Variants in SLC4A4 observed in about 807,000 individuals in gnomAD.
SLC4A4 encodes solute carrier family 4 member 4.
A neutral mutation model predicts 111.5 loss-of-function variants in SLC4A4; 27 were observed. The observed-to-expected ratio is 0.24, with a 90% CI of 0.18 to 0.33. The LOEUF (loss-of-function observed/expected upper bound fraction) is 0.33, where lower values mean the gene tolerates loss of function less well. SLC4A4 is among the 10% of genes least tolerant of loss of function. The pLI is 1.00. For synonymous variants in SLC4A4, 443 were observed against 463.4 expected (o/e 0.96, Z 0.57); for missense variants, 909 against 1,315.5 (o/e 0.69, Z 4.78).
chr4:71,393,340 C>T (rs1156873353), intron 6 of SLC4A4, among the ~76,000 whole-genome samples: 2 of 152,116 alleles, frequency 1.3e-5, no homozygotes, highest in African/African-American at 4.8e-5. Context: ...GATTAATGTA[C>T]ACAAATCAGT....
intron 2 of SLC4A4, among the ~76,000 whole-genome samples, chr4:71,123,885 A>G (rs556174772): frequency 1.5e-4 from 23 of 152,222 alleles, no homozygotes; most frequent in Non-Finnish European, 1.9e-4. Flanking sequence ...AAAAGCATCA[A>G]TTGGGACAGA....
chr4:71,268,324 CT>C (rs976523856), intron 3 of SLC4A4, among the ~76,000 whole-genome samples: 1 of 152,094 alleles, frequency 6.6e-6, no homozygotes, highest in Non-Finnish European at 1.5e-5. Context: ...ATACCCAGGC[CT>C]TTTCTTTCTG....
At chr4:71,460,872 AT>A (rs1286956327) in intron 12 of SLC4A4, among the ~76,000 whole-genome samples, 1 of 151,928 alleles carries the variant, frequency 6.6e-6, no homozygotes, top group Non-Finnish European at 1.5e-5. Flanking sequence ...AAGAATCAGT[AT>A]TTTTTTTATT....
chr4:71,366,281 G>A lies in SLC4A4; in HGVS notation c.730+9094G>A, dbSNP rs191257670. On this transcript the variant is annotated intron_variant, in intron 6 of 25. Transcript: ENST00000264485. ...ATAAAATTTATTTTCTTCTTAATAG[G>A]ATTGTTTTAAAAAAAGCATTTTTTC... Among the ~76,000 whole-genome samples, 3 of 148,880 alleles carry A rather than the reference G, an allele frequency of 2.0e-5. No homozygotes were observed. In the East Asian group the frequency reaches 6.0e-4, roughly 30 times the overall value.
intron 16 of SLC4A4, among the ~76,000 whole-genome samples, chr4:71,501,284 G>A (rs1730900988): frequency 6.6e-6 from 1 of 151,668 alleles, no homozygotes; most frequent in South Asian, 2.1e-4. Flanking sequence ...CTACTGAATT[G>A]TATGTTGATT....
chr4:71,273,974 A>C (rs890242767), intron 3 of SLC4A4, among the ~76,000 whole-genome samples: 3 of 152,236 alleles, frequency 2.0e-5, no homozygotes, highest in African/African-American at 4.8e-5. Flanking sequence ...AAGTAAATAC[A>C]GTTGAAACTT....
At chr4:71,286,894 T>C (rs1412409001) in intron 3 of SLC4A4, among the ~76,000 whole-genome samples, 2 of 152,190 alleles carry the variant, frequency 1.3e-5, no homozygotes, top group African/African-American at 4.8e-5. Flanking sequence ...GAGGTAAATG[T>C]TATTATTATT....
At chr4:71,547,627 A>G (rs766453576) in intron 19 of SLC4A4, 21 bp from the exon 20 acceptor site, 9 of 1,596,508 alleles carry the variant, frequency 5.6e-6, no homozygotes, top group Non-Finnish European at 7.7e-6. Context: ...GTAGATTGGT[A>G]ATCTTTTGAT....
intron 18 of SLC4A4, among the ~76,000 whole-genome samples, chr4:71,538,160 A>G (rs552337648): frequency 9.0e-4 from 137 of 152,278 alleles, no homozygotes; most frequent in Non-Finnish European, 1.4e-3. Flanking sequence ...ACGGTTGGCT[A>G]GATTTATCCT....
chr4:71,520,355 A>T (rs1732817037), intron 16 of SLC4A4, among the ~76,000 whole-genome samples: 2 of 152,298 alleles, frequency 1.3e-5, no homozygotes, highest in South Asian at 2.1e-4. Flanking sequence ...CTTCTCTTTT[A>T]TTAGTCAGAT....
chr4:71,496,576 G>T (rs911995354), intron 15 of SLC4A4, among the ~76,000 whole-genome samples: 1 of 151,968 alleles, frequency 6.6e-6, no homozygotes, highest in African/African-American at 2.4e-5. Context: ...CTCTTAAATG[G>T]CTAATGGCAG....
At chr4:71,245,606 C>T (rs1276913620) in intron 2 of SLC4A4, among the ~76,000 whole-genome samples, 4 of 151,928 alleles carry the variant, frequency 2.6e-5, no homozygotes, top group African/African-American at 9.7e-5. Context: ...GGAGTTTAGC[C>T]TTTTGTATAT....
intron 2 of SLC4A4, among the ~76,000 whole-genome samples, chr4:71,130,575 A>G (rs928915105): frequency 1.3e-5 from 2 of 152,154 alleles, no homozygotes; most frequent in African/African-American, 2.4e-5. Context: ...TATTTTCAAT[A>G]TGCTCTTAGC....
chr4:71,511,957 T>C (rs1731972036), intron 16 of SLC4A4, among the ~76,000 whole-genome samples: 1 of 152,192 alleles, frequency 6.6e-6, no homozygotes, highest in South Asian at 2.1e-4. Context: ...TAATTCTTTT[T>C]ATGGCTACAT....
chr4:71,533,462 T>C (rs1734124460), intron 17 of SLC4A4, among the ~76,000 whole-genome samples: 1 of 152,088 alleles, frequency 6.6e-6, no homozygotes, highest in Non-Finnish European at 1.5e-5. Flanking sequence ...TTCACAGTGT[T>C]CTATTTTAGT....
intron 3 of SLC4A4, among the ~76,000 whole-genome samples, chr4:71,325,334 G>A (rs149404047): frequency 2.6e-5 from 4 of 152,040 alleles, no homozygotes; most frequent in South Asian, 2.1e-4. Flanking sequence ...TGGAATAATA[G>A]GAGGGTATAT....
At chr4:71,228,190 T>A (rs1386437288) in intron 1 of SLC4A4, among the ~76,000 whole-genome samples, 4 of 152,236 alleles carry the variant, frequency 2.6e-5, no homozygotes, top group Non-Finnish European at 5.9e-5. Context: ...CTCCTATCAA[T>A]TATTTTCTTG....
intron 7 of SLC4A4, among the ~76,000 whole-genome samples, chr4:71,401,418 A>C (rs2148985448): frequency 6.6e-6 from 1 of 152,160 alleles, no homozygotes; most frequent in East Asian, 1.9e-4. Flanking sequence ...GCAGAAAAAC[A>C]CCTGTGGAGA....
chr4:71,196,989 C>G (rs201834563), intron 1 of SLC4A4, among the ~76,000 whole-genome samples: 1 of 151,174 alleles, frequency 6.6e-6, no homozygotes, highest in East Asian at 1.9e-4. Flanking sequence ...CCGAGGTGGG[C>G]GGATTGTTTG....
Sources: gnomAD v4.1 joint callset for allele counts (sites outside exome capture counted in the v4.1 genomes callset) on GRCh38, gnomAD v4.1.1 for gene constraint, MANE v1.5 for transcripts, NCBI Gene and HGNC (gene_info 2026-07-23, HGNC 2026-07-21) for gene names.